The following POPDC3 variants were observed in gnomAD, a reference collection of about 807,000 sequenced individuals.
POPDC3 encodes the protein popeye domain cAMP effector 3.
A neutral mutation model predicts 28.2 loss-of-function variants in POPDC3; 20 were observed. The observed-to-expected ratio is 0.71, with a 90% CI of 0.50 to 1.03. The LOEUF (loss-of-function observed/expected upper bound fraction) is 1.03, where lower values mean the gene tolerates loss of function less well. POPDC3 is among the 50% of genes least tolerant of loss of function. The probability of loss-of-function intolerance (pLI) is 0.00; values close to 1 mark genes in which losing one functional copy is unlikely to be tolerated. For missense variants in POPDC3, 316 were observed against 345.9 expected (o/e 0.91, Z 0.69); for synonymous variants, 118 against 124.1 (o/e 0.95, Z 0.33).
At chr6:105,178,396 G>A (rs1461624492) in intron 1 of POPDC3, among the ~76,000 whole-genome samples, 7 of 152,126 alleles carry the variant, frequency 4.6e-5, no homozygotes, top group Non-Finnish European at 4.4e-5. Flanking sequence ...TAATAGCATA[G>A]AATGTAACCA....
chr6:105,172,932 T>C (rs186518349), intron 1 of POPDC3, among the ~76,000 whole-genome samples: 1 of 151,556 alleles, frequency 6.6e-6, no homozygotes, highest in East Asian at 2.0e-4. Context: ...ATATACGTAG[T>C]GCTAAATGAC....
At chr6:105,160,510 G>T (rs1774299981) in intron 2 of POPDC3, among the ~76,000 whole-genome samples, 1 of 152,018 alleles carries the variant, frequency 6.6e-6, no homozygotes, top group African/African-American at 2.4e-5. Context: ...CACCGCGCCT[G>T]GCCTGTAAGC....
At chr6:105,159,901 G>A in intron 2 of POPDC3, 82 bp from the exon 3 acceptor site, 5 of 889,434 alleles carry the variant, frequency 5.6e-6, no homozygotes, top group Non-Finnish European at 9.3e-6. Context: ...TAGAGGAAGT[G>A]TATTTCAGAT....
intron 3 of POPDC3, chr6:105,159,124 A>G (rs766116601): frequency 3.2e-4 from 56 of 172,396 alleles, no homozygotes; most frequent in Admixed American, 2.4e-4. Context: ...CAGTTTCTGC[A>G]GTAGAAAACA....
At chr6:105,160,506 G>A (rs891552721) in intron 2 of POPDC3, among the ~76,000 whole-genome samples, 6 of 151,376 alleles carry the variant, frequency 4.0e-5, no homozygotes, top group African/African-American at 7.3e-5. Context: ...GAGCCACCGC[G>A]CCTGGCCTGT....
At chr6:105,164,917 T>A (rs572541433) in intron 1 of POPDC3, among the ~76,000 whole-genome samples, 3 of 152,232 alleles carry the variant, frequency 2.0e-5, no homozygotes, top group Non-Finnish European at 4.4e-5. Flanking sequence ...TAAATGAAGA[T>A]ACAAGGATGC....
chr6:105,159,797 C>T lies in POPDC3; in HGVS notation c.508G>A (p.Glu170Lys), dbSNP rs770916225. 10 of 1,612,508 alleles carry T rather than the reference C, an allele frequency of 6.2e-6. No homozygotes were observed. The highest frequency in any genetic ancestry group is 2.7e-5 in the African/African-American group (2 of 74,694). The change falls in exon 3 of 4, where the codon GAA becomes AAA. Residue 170 changes from glutamate to lysine, a missense_variant. By Grantham distance (56) the Glu-to-Lys change is moderately conservative. Transcript: ENST00000254765. ...AGGGGGAAAATGTAATGCAGAAATT[C>T]GCCATCAACTGTCACTCTGATCCTA... ...SGRIRVTVDG[E>K]FLHYIFPLQF...
chr6:105,175,375 CAAA>C (rs60678447), intron 1 of POPDC3, among the ~76,000 whole-genome samples: 1 of 99,096 alleles, frequency 1.0e-5, no homozygotes, highest in Non-Finnish European at 1.9e-5. Context: ...CCTAACTCTC[CAAA>C]AAAAAAAAAA....
intron 2 of POPDC3, among the ~76,000 whole-genome samples, chr6:105,161,200 T>C (rs1210551153): frequency 6.6e-6 from 1 of 152,160 alleles, no homozygotes; most frequent in Non-Finnish European, 1.5e-5. Flanking sequence ...GTAATTTGAT[T>C]TCTAAGATGA....
chr6:105,169,707 C>T (rs1019031084), intron 1 of POPDC3: 11 of 152,098 alleles, frequency 7.2e-5, no homozygotes, highest in African/African-American at 2.4e-4. Context: ...TCTTCTTGAT[C>T]CTCATATGCT....
Position 105,162,390 on chromosome 6 carries a change from G to A in POPDC3, c.-251-230C>T, listed in dbSNP as rs140458164. 3.4e-3 allele frequency among the ~76,000 whole-genome samples: 524 copies of A among 152,168 alleles called. 6 individuals are homozygous for A. The highest frequency in any genetic ancestry group is 0.012 in the African/African-American group (502 of 41,522). On this transcript the variant is annotated intron_variant, in intron 1 of 3. Transcript: ENST00000254765. ...TAGCTAAGTGCTCTATATTAATCTC[G>A]TCTCTATGGGAGTGATTCAGTGTAC...
chr6:105,174,127 CG>C (rs1774635629), intron 1 of POPDC3, among the ~76,000 whole-genome samples: 1 of 152,148 alleles, frequency 6.6e-6, no homozygotes, highest in Admixed American at 6.5e-5. Context: ...CTGCAACCTC[CG>C]CCTCCCGGGT....
At chr6:105,176,288 T>C (rs1211117058) in intron 1 of POPDC3, among the ~76,000 whole-genome samples, 1 of 152,188 alleles carries the variant, frequency 6.6e-6, no homozygotes. Flanking sequence ...TTTTATACAC[T>C]GATGACAGAA....
At chr6:105,171,587 C>T (rs1774578422) in intron 1 of POPDC3, among the ~76,000 whole-genome samples, 1 of 151,968 alleles carries the variant, frequency 6.6e-6, no homozygotes, top group Non-Finnish European at 1.5e-5. Flanking sequence ...AGGAGAACCA[C>T]TTGAGCCCAG....
chr6:105,166,668 G>A (rs1404056714), intron 1 of POPDC3: 1 of 470,896 alleles, frequency 2.1e-6, no homozygotes, highest in Non-Finnish European at 4.4e-6. Flanking sequence ...TTTTGCAGCA[G>A]CCTTCCCTGA....
At chr6:105,178,976 T>G in intron 1 of POPDC3, 1 of 985,458 alleles carries the variant, frequency 1.0e-6, no homozygotes, top group Non-Finnish European at 1.2e-6. Context: ...CAACGAAGTT[T>G]AGTAAATCAA....
intron 1 of POPDC3, among the ~76,000 whole-genome samples, chr6:105,174,331 G>A (rs975286632): frequency 1.3e-5 from 2 of 152,162 alleles, no homozygotes; most frequent in South Asian, 2.1e-4. Context: ...GAGCCACTGC[G>A]CCCAGCCAGA....
chr6:105,177,534 C>T (rs112796244), intron 1 of POPDC3, among the ~76,000 whole-genome samples: 5,003 of 152,332 alleles, frequency 0.033, 111 homozygotes, highest in Non-Finnish European at 0.053. Context: ...AGGAAACAAA[C>T]ACCTTCCAAA....
At chr6:105,178,076 G>A (rs1774713398) in intron 1 of POPDC3, among the ~76,000 whole-genome samples, 1 of 152,178 alleles carries the variant, frequency 6.6e-6, no homozygotes, top group African/African-American at 2.4e-5. Flanking sequence ...ATTAATTGGA[G>A]GGACATTCTC....
Sources: gnomAD v4.1 joint callset for allele counts (sites outside exome capture counted in the v4.1 genomes callset) on GRCh38, gnomAD v4.1.1 for gene constraint, MANE v1.5 for transcripts, NCBI Gene and HGNC (gene_info 2026-07-23, HGNC 2026-07-21) for gene names.